Variants in MCC observed in about 807,000 individuals in gnomAD.
MCC encodes the protein colorectal mutant cancer protein.
MCC carries 90 observed loss-of-function variants against 116.2 expected under a neutral mutation model. The observed-to-expected ratio is 0.77, with a 90% CI of 0.65 to 0.92. The LOEUF (loss-of-function observed/expected upper bound fraction) is 0.92, where lower values mean the gene tolerates loss of function less well. Ranked by LOEUF, MCC falls within the 40% of genes least tolerant of loss-of-function variation. The pLI is 0.00. For missense variants in MCC, 1,516 were observed against 1,312.2 expected (o/e 1.16, Z -2.40); for synonymous variants, 578 against 510.5 (o/e 1.13, Z -1.78).
chr5:113,337,164 A>C (rs1471181843), intron 3 of MCC, among the ~76,000 whole-genome samples: 1 of 152,188 alleles, frequency 6.6e-6, no homozygotes, highest in Non-Finnish European at 1.5e-5. Context: ...GGTAGGCGCC[A>C]GCAGCATAGG....
intron 2 of MCC, among the ~76,000 whole-genome samples, chr5:113,364,460 C>A (rs896382331): frequency 6.6e-6 from 1 of 152,184 alleles, no homozygotes; most frequent in African/African-American, 2.4e-5. Flanking sequence ...CCTGTGGCTA[C>A]TTTCATGGGC....
At chr5:113,113,934 G>A (rs560420494) in intron 6 of MCC, among the ~76,000 whole-genome samples, 10 of 152,108 alleles carry the variant, frequency 6.6e-5, no homozygotes, top group African/African-American at 2.4e-4. Flanking sequence ...ATTTGAATAT[G>A]GATTGTGGAC....
At chr5:113,039,682 G>C (rs1402421091) in intron 17 of MCC, among the ~76,000 whole-genome samples, 2 of 151,362 alleles carry the variant, frequency 1.3e-5, no homozygotes, top group African/African-American at 4.9e-5. Flanking sequence ...GACCTTGAGA[G>C]ATCACTCAGC....
intron 14 of MCC, among the ~76,000 whole-genome samples, chr5:113,056,831 C>T (rs975047050): frequency 8.5e-5 from 13 of 152,256 alleles, no homozygotes; most frequent in South Asian, 6.2e-4. Context: ...ATTGGAGTGC[C>T]TACTATGGGG....
At chr5:113,314,694 T>C (rs531322140) in intron 3 of MCC, among the ~76,000 whole-genome samples, 31 of 152,164 alleles carry the variant, frequency 2.0e-4, no homozygotes, top group Admixed American at 1.6e-3. Flanking sequence ...TTCAAGCGAT[T>C]CTCCTGCCTC....
In MCC at chr5:113,405,944, C is replaced by G. The variant is rs527930558; in HGVS notation, c.171-20732G>C. Among the ~76,000 whole-genome samples, 6 of 152,258 alleles carry G rather than the reference C, an allele frequency of 3.9e-5. No individual in the cohort carries two copies. In the South Asian group the frequency reaches 8.3e-4, roughly 21 times the overall value. On this transcript the variant is annotated intron_variant, in intron 1 of 18. Transcript: ENST00000408903. ...TCACTCTAAGATTTTCAATGCAAAG[C>G]ATTATTTTCCTCCTGATGATCAGAA...
chr5:113,126,488 A>C (rs541479759), intron 5 of MCC, among the ~76,000 whole-genome samples: 21 of 152,240 alleles, frequency 1.4e-4, no homozygotes, highest in Non-Finnish European at 2.9e-4. Context: ...GAATCCATTT[A>C]TATGCAAATT....
At chr5:113,393,989 T>C (rs900865554) in intron 1 of MCC, among the ~76,000 whole-genome samples, 1 of 152,214 alleles carries the variant, frequency 6.6e-6, no homozygotes, top group Admixed American at 6.5e-5. Context: ...TCTACCACTA[T>C]GTATGGCTGA....
intron 3 of MCC, among the ~76,000 whole-genome samples, chr5:113,328,938 A>ACTGC (rs1390243292): frequency 6.6e-6 from 1 of 152,194 alleles, no homozygotes; most frequent in Non-Finnish European, 1.5e-5. Flanking sequence ...TCCCAATGAC[A>ACTGC]CTGCCTGCAG....
chr5:113,435,043 G>T, intron 1 of MCC: 1 of 607,076 alleles, frequency 1.6e-6, no homozygotes. Context: ...TCACAAAGGA[G>T]GAGTGCCCTG....
At chr5:113,129,337 C>A (rs1758290396) in intron 5 of MCC, among the ~76,000 whole-genome samples, 1 of 151,978 alleles carries the variant, frequency 6.6e-6, no homozygotes, top group Non-Finnish European at 1.5e-5. Context: ...AGAAAGAGAC[C>A]AATGACAAAA....
rs765802624 is a variant in MCC, at chr5:113,053,719, A to G, written c.2448+6T>C. 1.9e-6 allele frequency: 3 copies of G among 1,600,086 alleles called. No homozygotes were observed. Among genetic ancestry groups the G allele is most frequent in the Non-Finnish European group, 2.6e-6 (3 of 1,168,196 alleles). Reference sequence around the variant, plus strand: ...GCCTAGCACATGGGACCCACCCACCACATACCTTCATGGCCATGAGCTCCT... The same window carrying G: ...GCCTAGCACATGGGACCCACCCACCGCATACCTTCATGGCCATGAGCTCCT... On this transcript the variant is annotated splice_donor_region_variant and intron_variant, in intron 15 of 18. Transcript: ENST00000408903.
chr5:113,451,309 A>C (rs1200669079), intron 1 of MCC, among the ~76,000 whole-genome samples: 2 of 152,268 alleles, frequency 1.3e-5, no homozygotes, highest in African/African-American at 4.8e-5. Flanking sequence ...ATGAAGAAAG[A>C]ATAACGATTT....
chr5:113,215,680 G>T (rs1763288029), intron 3 of MCC, among the ~76,000 whole-genome samples: 1 of 152,172 alleles, frequency 6.6e-6, no homozygotes, highest in South Asian at 2.1e-4. Context: ...GCAGAGATCA[G>T]AACCTCAGCA....
At chr5:113,080,908 CTTA>C (rs955359099) in intron 11 of MCC, among the ~76,000 whole-genome samples, 1 of 151,748 alleles carries the variant, frequency 6.6e-6, no homozygotes, top group African/African-American at 2.4e-5. Context: ...TTCTTATCAT[CTTA>C]TTTGTTTTCT....
At chr5:113,442,358 T>C (rs1016091116) in intron 1 of MCC, among the ~76,000 whole-genome samples, 1 of 152,184 alleles carries the variant, frequency 6.6e-6, no homozygotes, top group Non-Finnish European at 1.5e-5. Flanking sequence ...TGTTTTTTTC[T>C]TGTAAATTTG....
chr5:113,367,636 G>A lies in MCC; in HGVS notation c.415+17332C>T, dbSNP rs371581421. On this transcript the variant is annotated intron_variant, in intron 2 of 18. Transcript: ENST00000408903. ...CATAAGGAAGGCAGAGGGTGGGGGG[G>A]GGGAAGAGAGAGAGAAAGAGAGAGA... Among the ~76,000 whole-genome samples, 171 of 110,870 alleles carry A rather than the reference G, an allele frequency of 1.5e-3. 1 individual carries two copies. The highest frequency in any genetic ancestry group is 5.5e-3 in the African/African-American group (166 of 29,978). The allele number at this position is 110,870 out of a possible 152,430, so 72.7% of individuals were successfully genotyped here. A position where few individuals can be genotyped will look rare whatever the true frequency, so the allele number is the denominator to read the frequency against.
intron 3 of MCC, among the ~76,000 whole-genome samples, chr5:113,159,039 T>C (rs989047100): frequency 1.3e-5 from 2 of 152,080 alleles, no homozygotes; most frequent in African/African-American, 4.8e-5. Flanking sequence ...AGCACCCATG[T>C]GATTTTGGGT....
At chr5:113,114,488 C>G (rs542456024) in intron 6 of MCC, among the ~76,000 whole-genome samples, 1 of 152,272 alleles carries the variant, frequency 6.6e-6, no homozygotes, top group African/African-American at 2.4e-5. Flanking sequence ...AAGCCCCACC[C>G]TGAAGCCTAT....
Sources: gnomAD v4.1 joint callset for allele counts (sites outside exome capture counted in the v4.1 genomes callset) on GRCh38, gnomAD v4.1.1 for gene constraint, MANE v1.5 for transcripts, NCBI Gene and HGNC (gene_info 2026-07-23, HGNC 2026-07-21) for gene names.